LRMDA: variants seen among roughly 807,000 people sequenced by gnomAD.
The protein encoded by LRMDA is leucine-rich melanocyte differentiation-associated protein.
Under a neutral mutation model 29.8 loss-of-function variants are expected in LRMDA, and 18 were observed. The observed-to-expected ratio is 0.60, with a 90% CI of 0.42 to 0.90. The LOEUF is 0.90. Among genes scored for constraint, LRMDA ranks in the 40% least tolerant of loss-of-function variants. LRMDA has a pLI of 0.00. For synonymous variants in LRMDA, 125 were observed against 109.4 expected, an observed-to-expected ratio of 1.14 and a Z score of -0.89; for missense variants, 273 against 273.9, an observed-to-expected ratio of 1.00 and a Z score of 0.02.
intron 6 of LRMDA, among the ~76,000 whole-genome samples, chr10:76,361,066 G>C (rs1841305094): frequency 6.6e-6 from 1 of 152,010 alleles, no homozygotes; most frequent in South Asian, 2.1e-4. Context: ...TTCAAGACCA[G>C]CCTGGGCAAC....
chr10:76,194,611 T>G (rs2132225611), intron 5 of LRMDA, among the ~76,000 whole-genome samples: 1 of 152,338 alleles, frequency 6.6e-6, no homozygotes, highest in East Asian at 1.9e-4. Flanking sequence ...ATGTAGCTTC[T>G]TAGCTTATGA....
chr10:76,085,074 C>T (rs972468477), intron 5 of LRMDA, among the ~76,000 whole-genome samples: 1 of 152,150 alleles, frequency 6.6e-6, no homozygotes, highest in Non-Finnish European at 1.5e-5. Flanking sequence ...TTCAGTTATA[C>T]TCTGCATCCT....
At chr10:76,448,756 C>A (rs987714402) in intron 6 of LRMDA, among the ~76,000 whole-genome samples, 1 of 151,770 alleles carries the variant, frequency 6.6e-6, no homozygotes, top group African/African-American at 2.4e-5. Flanking sequence ...TCTTCTTTAG[C>A]CTTTTGTTGT....
At chr10:76,148,670 C>T (rs566706832) in intron 5 of LRMDA, among the ~76,000 whole-genome samples, 9 of 152,188 alleles carry the variant, frequency 5.9e-5, no homozygotes, top group Non-Finnish European at 1.0e-4. Context: ...CCTGCTACTG[C>T]TCGTGCACAG....
intron 2 of LRMDA, among the ~76,000 whole-genome samples, chr10:75,954,191 C>T (rs1040178941): frequency 1.3e-5 from 2 of 152,160 alleles, no homozygotes; most frequent in Non-Finnish European, 2.9e-5. Flanking sequence ...TTTCCCCCAG[C>T]GTATCTGGTT....
chr10:76,540,735 G>A (rs963041617), intron 6 of LRMDA, among the ~76,000 whole-genome samples: 1 of 152,114 alleles, frequency 6.6e-6, no homozygotes. Flanking sequence ...ATCCTGGGTT[G>A]CCTCTTTATT....
At chr10:76,232,543 G>T (rs139830821) in intron 5 of LRMDA, among the ~76,000 whole-genome samples, 1,529 of 152,336 alleles carry the variant, frequency 0.01, 16 homozygotes, top group Non-Finnish European at 0.014. Context: ...ACTGATGCAG[G>T]ATTTTCTTCT....
chr10:75,609,284 A>G (rs148342875), intron 2 of LRMDA, among the ~76,000 whole-genome samples: 9 of 152,292 alleles, frequency 5.9e-5, no homozygotes, highest in African/African-American at 1.4e-4. Flanking sequence ...AGACACCCAC[A>G]CCCACACTGT....
chr10:75,815,601 G>A (rs1477827948), intron 2 of LRMDA, among the ~76,000 whole-genome samples: 1 of 152,112 alleles, frequency 6.6e-6, no homozygotes, highest in African/African-American at 2.4e-5. Context: ...ATTGAGAAAG[G>A]AGCATTATAA....
rs933986381 is a variant in LRMDA at position 76,441,626 on chromosome 10, G to C, written c.602-115583G>C. On this transcript the variant is annotated intron_variant, in intron 6 of 6. Coordinates refer to ENST00000611255, the MANE Select transcript of LRMDA (RefSeq NM_001305581.2). ...AATGTTCCTGTACCAGAATGTGTTTGGAATTGCACAGGGGGAGTGGCAGCC... is the reference window on the plus strand; with the variant it reads ...AATGTTCCTGTACCAGAATGTGTTTCGAATTGCACAGGGGGAGTGGCAGCC... Among the ~76,000 whole-genome samples the C allele has an allele frequency of 3.3e-5, 5 of 152,174 alleles. No individual in the cohort carries two copies. The East Asian group carries it at 9.6e-4, about 29-fold the overall frequency.
Position 76,110,379 on chromosome 10 carries a change from T to C in LRMDA, c.516+51596T>C, listed in dbSNP as rs1020908878. The stretch of plus-strand genomic sequence containing the variant: ...ATTATAGTCCCCAAACTAGTCTTAC[T>C]TCCATCAGCTTTTGACCCCTTGCAG... On this transcript the variant is annotated intron_variant, in intron 5 of 6. Coordinates refer to ENST00000611255, the MANE Select transcript of LRMDA (RefSeq NM_001305581.2). Among the ~76,000 whole-genome samples, 5 of 152,356 alleles carry C rather than the reference T, an allele frequency of 3.3e-5. No individual in the cohort carries two copies. In the East Asian group the frequency reaches 9.6e-4, roughly 29 times the overall value.
Position 76,551,725 on chromosome 10 carries a change from A to C in LRMDA, c.602-5484A>C, listed in dbSNP as rs562701398. ...TGTTAGAAATTGGGGAGGAGGGAGA[A>C]TATTATAGGGGATGACACATTTATG... On this transcript the variant is annotated intron_variant, in intron 6 of 6. Transcript: ENST00000611255. 3.3e-5 allele frequency among the ~76,000 whole-genome samples: 5 copies of C among 152,236 alleles called. No homozygotes were observed. The South Asian group carries it at 1.0e-3, about 32-fold the overall frequency.
At chr10:76,459,568 C>T (rs1842491438) in intron 6 of LRMDA, among the ~76,000 whole-genome samples, 1 of 152,148 alleles carries the variant, frequency 6.6e-6, no homozygotes, top group Non-Finnish European at 1.5e-5. Context: ...AAATGCTTTA[C>T]GTGCTTTGGT....
chr10:75,460,730 T>C (rs1173329660), intron 2 of LRMDA, among the ~76,000 whole-genome samples: 3 of 152,192 alleles, frequency 2.0e-5, no homozygotes, highest in Non-Finnish European at 4.4e-5. Context: ...TGTTTTTTTC[T>C]CTTAATGTCT....
intron 6 of LRMDA, among the ~76,000 whole-genome samples, chr10:76,452,372 C>G (rs917437827): frequency 5.3e-5 from 8 of 152,106 alleles, no homozygotes; most frequent in African/African-American, 1.9e-4. Context: ...CACCTAATCA[C>G]TCACCTGTTT....
At chr10:75,912,145 A>G (rs1352382642) in intron 2 of LRMDA, among the ~76,000 whole-genome samples, 4 of 152,120 alleles carry the variant, frequency 2.6e-5, no homozygotes, top group Non-Finnish European at 5.9e-5. Context: ...AACTTGCTCA[A>G]CAATACACCA....
chr10:75,965,493 C>T (rs1846842580), intron 2 of LRMDA, among the ~76,000 whole-genome samples: 1 of 152,070 alleles, frequency 6.6e-6, no homozygotes, highest in African/African-American at 2.4e-5. Context: ...GACTTCTAAA[C>T]TTTGTAAATG....
intron 2 of LRMDA, among the ~76,000 whole-genome samples, chr10:75,802,337 A>G (rs2173658): frequency 0.1 from 6,337 of 60,878 alleles, 163 homozygotes; most frequent in East Asian, 0.34. Flanking sequence ...ACACACGCGC[A>G]CACACACACA....
At chr10:75,532,755 G>A (rs1347773072) in intron 2 of LRMDA, among the ~76,000 whole-genome samples, 1 of 152,082 alleles carries the variant, frequency 6.6e-6, no homozygotes, top group Non-Finnish European at 1.5e-5. Flanking sequence ...TGTTAGAAAT[G>A]TCGATTCCCT....
Sources: allele counts gnomAD v4.1 joint callset (sites outside exome capture counted in the v4.1 genomes callset), GRCh38; gene constraint gnomAD v4.1.1; transcripts MANE v1.5; gene names NCBI Gene and HGNC (gene_info 2026-07-23, HGNC 2026-07-21).